The following KDM1B variants were observed in gnomAD, a reference collection of about 807,000 sequenced individuals.
KDM1B encodes lysine demethylase 1B.
In KDM1B, 63 loss-of-function variants were observed where a neutral mutation model predicts 107.4. That is an observed-to-expected ratio of 0.59 (90% confidence interval 0.48 to 0.72). KDM1B has a LOEUF of 0.72. Ranked by LOEUF, KDM1B falls within the 30% of genes least tolerant of loss-of-function variation. The probability of loss-of-function intolerance (pLI) is 0.00; values close to 1 mark genes in which losing one functional copy is unlikely to be tolerated. For missense variants in KDM1B, 749 were observed against 1,020.8 expected (o/e 0.73, Z 3.63); for synonymous variants, 363 against 363.9 (o/e 1.00, Z 0.03).
At chr6:18,167,761 A>T (rs918952529) in intron 6 of KDM1B, among the ~76,000 whole-genome samples, 2 of 151,952 alleles carry the variant, frequency 1.3e-5, no homozygotes, top group African/African-American at 4.8e-5. Flanking sequence ...GACATGAGCC[A>T]CAATGCCCAA....
intron 6 of KDM1B, among the ~76,000 whole-genome samples, chr6:18,169,312 G>A (rs1773553223): frequency 1.3e-5 from 2 of 149,992 alleles, no homozygotes; most frequent in South Asian, 2.1e-4. Context: ...CTGGCTCACT[G>A]CAACCTTTGC....
In KDM1B at chr6:18,213,282, C is replaced by A. The variant is rs1241365762; in HGVS notation, c.1984-374C>A. Among the ~76,000 whole-genome samples, 1 of 151,994 alleles carries A rather than the reference C, an allele frequency of 6.6e-6. No individual in the cohort carries two copies. The highest frequency in any genetic ancestry group is 1.9e-4 in the East Asian group (1 of 5,180). On this transcript the variant is annotated intron_variant, in intron 18 of 21. Coordinates refer to ENST00000650836, the MANE Select transcript of KDM1B (RefSeq NM_001364614.2). The surrounding 1 kb of genome is among the most constrained non-coding windows in gnomAD (Gnocchi z 5.9). ...TGAAACCTCATCTCTACTAAAAATACAAAATTCGCTGGGCGTGGTGGTGTG... is the reference window on the plus strand; with the variant it reads ...TGAAACCTCATCTCTACTAAAAATAAAAAATTCGCTGGGCGTGGTGGTGTG...
At position 18,213,550 on chromosome 6, in the gene KDM1B, G is replaced by C; in HGVS notation, c.1984-106G>C. On this transcript the variant is annotated intron_variant, in intron 18 of 21. Transcript: ENST00000650836. The surrounding 1 kb of genome is among the most constrained non-coding windows in gnomAD (Gnocchi z 5.9). ...GAGCGGTATTTGGGGTTGTTCTTTC[G>C]GGCAGTGTCTTTGTTTTAGAGTAGA... 1 of 1,126,486 alleles carries C rather than the reference G, an allele frequency of 8.9e-7. No individual in the cohort carries two copies. Among genetic ancestry groups the C allele is most frequent in the Admixed American group, 1.9e-5 (1 of 52,662 alleles). The allele number at this position is 1,126,486 out of a possible 1,614,324, so 69.8% of individuals were successfully genotyped here. A position where few individuals can be genotyped will look rare whatever the true frequency, so the allele number is the denominator to read the frequency against.
intron 5 of KDM1B, among the ~76,000 whole-genome samples, chr6:18,165,257 A>G (rs1363113746): frequency 2.0e-5 from 3 of 147,068 alleles, no homozygotes; most frequent in African/African-American, 5.0e-5. Context: ...CAGCCTCCCA[A>G]GTAGCTGGGA....
At chr6:18,181,707 C>T (rs1316688333) in intron 7 of KDM1B, among the ~76,000 whole-genome samples, 1 of 152,150 alleles carries the variant, frequency 6.6e-6, no homozygotes, top group Non-Finnish European at 1.5e-5. Flanking sequence ...GATGGCACCA[C>T]TGCACTCCAG....
intron 7 of KDM1B, among the ~76,000 whole-genome samples, chr6:18,179,673 T>C (rs1042917203): frequency 6.6e-6 from 1 of 152,062 alleles, no homozygotes; most frequent in Non-Finnish European, 1.5e-5. Flanking sequence ...TTGTTTGTAC[T>C]GTTCCCTTGT....
rs1198097637 is a variant in KDM1B, at chr6:18,209,355, A to G, written c.1866+1149A>G. ...AGACTAGCTATGCTTCCTACACTTC[A>G]GGTATCTAAAACTTATTTCATAGTC... On this transcript the variant is annotated intron_variant, in intron 17 of 21. Coordinates refer to ENST00000650836, the MANE Select transcript of KDM1B (RefSeq NM_001364614.2). The surrounding 1 kb of genome is among the most constrained non-coding windows in gnomAD (Gnocchi z 4.3). 6.6e-6 allele frequency among the ~76,000 whole-genome samples: 1 copy of G among 152,226 alleles called. No individual in the cohort carries two copies. Among genetic ancestry groups the G allele is most frequent in the Non-Finnish European group, 1.5e-5 (1 of 68,046 alleles).
In KDM1B at chr6:18,213,553, C is replaced by A; in HGVS notation, c.1984-103C>A. The A allele has an allele frequency of 8.7e-7, 1 of 1,151,862 alleles. No homozygotes were observed. Among genetic ancestry groups the A allele is most frequent in the Non-Finnish European group, 1.3e-6 (1 of 780,786 alleles). 71.4% of individuals were successfully genotyped at this position (1,151,862 alleles called of 1,614,324 possible). A position where few individuals can be genotyped will look rare whatever the true frequency, so the allele number is the denominator to read the frequency against. On this transcript the variant is annotated intron_variant, in intron 18 of 21. Transcript: ENST00000650836. The surrounding 1 kb of genome is among the most constrained non-coding windows in gnomAD (Gnocchi z 5.9). ...CGGTATTTGGGGTTGTTCTTTCGGG[C>A]AGTGTCTTTGTTTTAGAGTAGAGCT...
At chr6:18,161,287 A>G (rs370653040) in intron 3 of KDM1B, 40 bp from the exon 4 acceptor site, 175 of 1,606,014 alleles carry the variant, frequency 1.1e-4, no homozygotes, top group Non-Finnish European at 1.4e-4. Flanking sequence ...TCATTTTGCC[A>G]TCATCAGTGA....
chr6:18,176,212 A>T (rs1310071516), intron 7 of KDM1B, among the ~76,000 whole-genome samples: 2 of 151,970 alleles, frequency 1.3e-5, no homozygotes, highest in South Asian at 2.1e-4. Flanking sequence ...TTTATTTTGC[A>T]GCTATTGGTA....
chr6:18,190,375 G>A (rs1287957774), intron 9 of KDM1B, among the ~76,000 whole-genome samples: 2 of 145,046 alleles, frequency 1.4e-5, no homozygotes, highest in African/African-American at 5.1e-5. Context: ...GGTGGATCAC[G>A]AGGTCAGGAG....
At position 18,214,922 on chromosome 6, in the gene KDM1B, A is replaced by G; in HGVS notation, c.2110-85A>G. On this transcript the variant is annotated intron_variant, in intron 19 of 21. Transcript: ENST00000650836. This position sits in a 1 kb window ranked among gnomAD's most constrained non-coding sequence, Gnocchi z 4.4. ...AAAACTCTGTCTCATTTAAAACAAAACAAAACAAAAAACAAAAAAAAGAGG... is the reference window on the plus strand; with the variant it reads ...AAAACTCTGTCTCATTTAAAACAAAGCAAAACAAAAAACAAAAAAAAGAGG... The G allele has an allele frequency of 2.8e-6, 4 of 1,414,118 alleles. No individual in the cohort carries two copies. The highest frequency in any genetic ancestry group is 2.6e-5 in the South Asian group (2 of 76,014). 87.6% of individuals were successfully genotyped at this position (1,414,118 alleles called of 1,614,324 possible).
Position 18,215,013 on chromosome 6 carries a change from C to T in KDM1B, c.2116C>T (p.His706Tyr). The part of the protein sequence containing the change: ...VFYDMDPQKK[H>Y]SVLMSVIAGE... ...TTTCCTTTCATGTCTCCAGAAGAAG[C>T]ACAGCGTGCTGATGTCTGTGATTGC... is the stretch of plus-strand genomic sequence containing the variant. Residue 706 changes from histidine (H) to tyrosine (Y), a missense_variant, in exon 20 of 22, where the codon CAC becomes TAC. By Grantham distance (83) the His-to-Tyr change is moderately conservative. Transcript: ENST00000650836. 1 of 1,613,826 alleles carries T rather than the reference C, an allele frequency of 6.2e-7. No individual in the cohort carries two copies. The highest frequency in any genetic ancestry group is 8.5e-7 in the Non-Finnish European group (1 of 1,179,882).
Position 18,197,179 on chromosome 6 carries a change from T to C in KDM1B, c.1092T>C (p.Thr364=), listed in dbSNP as rs780979956. The change falls in exon 11 of 22, where the codon ACT becomes ACC. Residue 364 remains threonine, a synonymous_variant. Coordinates refer to ENST00000650836, the MANE Select transcript of KDM1B (RefSeq NM_001364614.2). This position sits in a 1 kb window ranked among gnomAD's most constrained non-coding sequence, Gnocchi z 4.5. ...YFMTRKGLIN[T]GVLSVGADQY... is the part of the protein sequence containing the mutation. Reference sequence around the variant, plus strand: ...TGACCAGAAAAGGTCTCATCAACACTGGAGTTCTCAGCGTGGGAGCCGACC... The same window carrying C: ...TGACCAGAAAAGGTCTCATCAACACCGGAGTTCTCAGCGTGGGAGCCGACC... 3 of 1,614,172 alleles carry C rather than the reference T, an allele frequency of 1.9e-6. No homozygotes were observed. The highest frequency in any genetic ancestry group is 1.1e-5 in the South Asian group (1 of 91,076).
At chr6:18,208,254 G>A in intron 17 of KDM1B, 48 bp downstream of exon 17, 1 of 1,344,458 alleles carries the variant, frequency 7.4e-7, no homozygotes, top group South Asian at 1.2e-5. Context: ...TTGCTGCCAG[G>A]GGCTTGGAGG....
intron 20 of KDM1B, among the ~76,000 whole-genome samples, chr6:18,217,452 C>T (rs908022124): frequency 8.7e-5 from 13 of 149,900 alleles, no homozygotes; most frequent in African/African-American, 3.2e-4. Flanking sequence ...GATCTCGGCT[C>T]ACTGCAAGCT....
rs533016543 is a variant in KDM1B, at chr6:18,210,342, C to CTTTTTTTTTTTTTTTTTTT, written c.1867-2134_1867-2116dup. Among the ~76,000 whole-genome samples, 258 of 69,952 alleles carry CTTTTTTTTTTTTTTTTTTT rather than the reference C, an allele frequency of 3.7e-3. 14 individuals carry two copies. Among genetic ancestry groups the CTTTTTTTTTTTTTTTTTTT allele is most frequent in the Non-Finnish European group, 5.1e-3 (172 of 33,954 alleles). The allele number at this position is 69,952 out of a possible 152,430, so 45.9% of individuals were successfully genotyped here. On this transcript the variant is annotated intron_variant, in intron 17 of 21. Coordinates refer to ENST00000650836, the MANE Select transcript of KDM1B (RefSeq NM_001364614.2). ...TCTTTCTTTTTTTTCTCTTTCTTTT[C>CTTTTTTTTTTTTTTTTTTT]TTTTTTTTTTTTTTTTTTTTTTTTT...
intron 20 of KDM1B, among the ~76,000 whole-genome samples, chr6:18,216,679 C>T (rs184778107): frequency 2.0e-5 from 3 of 152,258 alleles, no homozygotes; most frequent in East Asian, 1.9e-4. Flanking sequence ...TTCTGAAGAG[C>T]GTGTCCAGTA....
Position 18,155,803 on chromosome 6 carries a change from G to A in KDM1B, c.-57-80G>A, listed in dbSNP as rs554630095. 15 of 152,486 alleles carry A rather than the reference G, an allele frequency of 9.8e-5. No homozygotes were observed. The highest frequency in any genetic ancestry group is 2.1e-4 in the Non-Finnish European group (14 of 68,160). The allele number at this position is 152,486 out of a possible 1,614,324, so 9.4% of individuals were successfully genotyped here. On this transcript the variant is annotated intron_variant, in intron 1 of 21. Transcript: ENST00000650836. This position sits in a 1 kb window ranked among gnomAD's most constrained non-coding sequence, Gnocchi z 6.2. ...AAGAAGGGGGAATTCCCGGGCTAGG[G>A]TGTTGGGGCGTGGGGTCGCCGGGTT...
Sources: allele counts gnomAD v4.1 joint callset (sites outside exome capture counted in the v4.1 genomes callset), GRCh38; gene constraint gnomAD v4.1.1; non-coding constraint Gnocchi (gnomAD v3.1); transcripts MANE v1.5; gene names NCBI Gene and HGNC (gene_info 2026-07-23, HGNC 2026-07-21).